Variants in IQSEC3 observed in about 807,000 individuals in gnomAD.
The protein encoded by IQSEC3 is IQ motif and Sec7 domain ArfGEF 3, also known as IQ motif and SEC7 domain-containing protein 3.
A neutral mutation model predicts 105.4 loss-of-function variants in IQSEC3; 50 were observed. That is an observed-to-expected ratio of 0.47 (90% CI 0.38 to 0.60). IQSEC3 has a LOEUF of 0.60. Among genes scored for constraint, IQSEC3 ranks in the 20% least tolerant of loss-of-function variants. The pLI is 0.00. For synonymous variants in IQSEC3, 708 were observed against 746.0 expected (o/e 0.95, Z 0.83); for missense variants, 1,415 against 1,630.0 (o/e 0.87, Z 2.27).
At chr12:158,290 A>G (rs1866766602) in intron 7 of IQSEC3, among the ~76,000 whole-genome samples, 1 of 151,652 alleles carries the variant, frequency 6.6e-6, no homozygotes, top group African/African-American at 2.4e-5. Flanking sequence ...CCCTCTCACC[A>G]CTCACCTTCT....
intron 5 of IQSEC3, chr12:148,120 C>T (rs1020665040): frequency 1.3e-5 from 2 of 152,320 alleles, no homozygotes; most frequent in Middle Eastern, 3.4e-3. Context: ...GGAAATGAGC[C>T]ACCAAGAGGC....
chr12:102,093 G>C (rs1368890832), intron 2 of IQSEC3, among the ~76,000 whole-genome samples: 2 of 150,062 alleles, frequency 1.3e-5, no homozygotes, highest in Admixed American at 6.6e-5. Flanking sequence ...TCCCCCATCA[G>C]TCTGGCTCCT....
At chr12:81,167 G>T (rs1591633084) in intron 1 of IQSEC3, among the ~76,000 whole-genome samples, 1 of 152,196 alleles carries the variant, frequency 6.6e-6, no homozygotes, top group Non-Finnish European at 1.5e-5. Context: ...CATGCAGTGG[G>T]TAAGGGCCAT....
intron 1 of IQSEC3, among the ~76,000 whole-genome samples, chr12:79,719 A>G (rs1713132774): frequency 6.6e-6 from 1 of 152,182 alleles, no homozygotes; most frequent in Non-Finnish European, 1.5e-5. Flanking sequence ...CTTTTCAAAT[A>G]GACAATACAT....
intron 3 of IQSEC3, 71 bp downstream of exon 3, chr12:125,983 C>CAG: frequency 1.4e-6 from 2 of 1,418,832 alleles, no homozygotes; most frequent in East Asian, 5.0e-5. Context: ...TCGAGGGTAC[C>CAG]AGGGATATCC....
At chr12:156,482 TGGGGAGCTGGGGCAGCTGG>T (rs1262532980) in intron 5 of IQSEC3, among the ~76,000 whole-genome samples, 79 of 150,786 alleles carry the variant, frequency 5.2e-4, no homozygotes, top group African/African-American at 1.5e-3. Flanking sequence ...GGGGCAGCTG[TGGGGAGCTGGGGCAGCTGG>T]GGGGAGCTGG....
At chr12:145,592 G>A (rs1256806286) in intron 5 of IQSEC3, among the ~76,000 whole-genome samples, 1 of 152,220 alleles carries the variant, frequency 6.6e-6, no homozygotes, top group African/African-American at 2.4e-5. Context: ...GCTTTGCTGG[G>A]AAGGGGGTCA....
chr12:169,072 G>A lies in IQSEC3; in HGVS notation c.3031G>A (p.Gly1011Arg). ...TLSFKPCGAQ[G>R]DPQSKQGSPT... ...CTCCTTCAAGCCCTGCGGAGCCCAG[G>A]GGGACCCACAGTCAAAGCAAGGATC... Residue 1011 changes from glycine to arginine, a missense_variant, in exon 12 of 14, where the codon GGG becomes AGG. Coordinates refer to ENST00000538872, the MANE Select transcript of IQSEC3 (RefSeq NM_001170738.2). 1.2e-6 allele frequency: 2 copies of A among 1,614,024 alleles called. No individual in the cohort carries two copies. The highest frequency in any genetic ancestry group is 1.7e-6 in the Non-Finnish European group (2 of 1,180,012).
chr12:126,041 C>T, intron 3 of IQSEC3, 129 bp downstream of exon 3: 3 of 1,007,532 alleles, frequency 3.0e-6, no homozygotes, highest in Non-Finnish European at 4.2e-6. Context: ...CCACAGTTCT[C>T]CTGCATTGAG....
intron 1 of IQSEC3, among the ~76,000 whole-genome samples, chr12:68,919 TAC>T (rs1487114242): frequency 6.6e-6 from 1 of 152,194 alleles, no homozygotes; most frequent in Non-Finnish European, 1.5e-5. Context: ...CCCAAGAAGA[TAC>T]AGTTTTCTAC....
intron 3 of IQSEC3, 72 bp downstream of exon 3, chr12:125,984 A>C: frequency 7.1e-7 from 1 of 1,417,480 alleles, no homozygotes; most frequent in South Asian, 1.3e-5. Flanking sequence ...CGAGGGTACC[A>C]GGGATATCCC....
At chr12:77,439 C>T (rs577030241) in intron 1 of IQSEC3, 1 of 870,140 alleles carries the variant, frequency 1.1e-6, no homozygotes, top group Non-Finnish European at 1.4e-6. Context: ...TCTTGGTCCT[C>T]CTTCTTGCCC....
Position 100,469 on chromosome 12 carries a change from G to C in IQSEC3, c.623+1255G>C, listed in dbSNP as rs189655279. On this transcript the variant is annotated intron_variant, in intron 2 of 13. Coordinates refer to ENST00000538872, the MANE Select transcript of IQSEC3 (RefSeq NM_001170738.2). ...TGGTGGCTAGTGATCTTGGGGCACA[G>C]ACAGCCACCCCGTGAAAGGCATTGC... Among the ~76,000 whole-genome samples the C allele has an allele frequency of 3.2e-3, 491 of 152,318 alleles. 1 individual carries two copies. The highest frequency in any genetic ancestry group is 0.017 in the Middle Eastern group (5 of 294).
chr12:105,025 G>C (rs1211970835), intron 2 of IQSEC3, among the ~76,000 whole-genome samples: 1 of 152,258 alleles, frequency 6.6e-6, no homozygotes, highest in Non-Finnish European at 1.5e-5. Context: ...TGGTGGCTTA[G>C]GGCGGCAGCG....
chr12:157,473 C>T (rs1387082223), intron 6 of IQSEC3, 55 bp from the exon 7 acceptor site: 2 of 994,724 alleles, frequency 2.0e-6, no homozygotes, highest in Admixed American at 2.2e-5. Flanking sequence ...TTTGTTGGGC[C>T]CGGGGGAGGG....
intron 13 of IQSEC3, 174 bp downstream of exon 13, chr12:171,335 A>G (rs1555100225): frequency 1.9e-6 from 3 of 1,611,900 alleles, no homozygotes; most frequent in Non-Finnish European, 2.5e-6. Context: ...GGGTAATGCC[A>G]CTGTTCCAGC....
Position 157,167 on chromosome 12 carries a change from C to G in IQSEC3, c.2276+20C>G. The G allele has an allele frequency of 1.3e-6, 2 of 1,537,418 alleles. No individual in the cohort carries two copies. Among genetic ancestry groups the G allele is most frequent in the Non-Finnish European group, 8.8e-7 (1 of 1,140,112 alleles). ...CTTCAGGTAAGGCCGCTTCCCAGCTCCACTCCCCAACAGACCCCAGCGTGG... is the reference window on the plus strand; with the variant it reads ...CTTCAGGTAAGGCCGCTTCCCAGCTGCACTCCCCAACAGACCCCAGCGTGG... On this transcript the variant is annotated intron_variant, in intron 6 of 13. Coordinates refer to ENST00000538872, the MANE Select transcript of IQSEC3 (RefSeq NM_001170738.2).
intron 1 of IQSEC3, among the ~76,000 whole-genome samples, chr12:89,202 A>T (rs999009361): frequency 2.0e-5 from 3 of 151,602 alleles, no homozygotes; most frequent in African/African-American, 7.3e-5. Flanking sequence ...TCATTGTCCC[A>T]GTTTCTGGCC....
At chr12:159,985 T>A (rs1866828060) in intron 7 of IQSEC3, among the ~76,000 whole-genome samples, 1 of 152,194 alleles carries the variant, frequency 6.6e-6, no homozygotes, top group Non-Finnish European at 1.5e-5. Flanking sequence ...CTACCAAGTT[T>A]TTCATTCCTG....
Sources: allele counts gnomAD v4.1 joint callset (sites outside exome capture counted in the v4.1 genomes callset), GRCh38; gene constraint gnomAD v4.1.1; transcripts MANE v1.5; gene names NCBI Gene and HGNC (gene_info 2026-07-23, HGNC 2026-07-21).